DLGAP2: variants seen among roughly 807,000 people sequenced by gnomAD.
The protein encoded by DLGAP2 is disks large-associated protein 2.
A neutral mutation model predicts 100.3 loss-of-function variants in DLGAP2; 26 were observed. The observed-to-expected ratio is 0.26, with a 90% CI of 0.19 to 0.36. DLGAP2 has a LOEUF of 0.36. DLGAP2 is among the 10% of genes least tolerant of loss of function. DLGAP2 has a pLI of 1.00. For synonymous variants in DLGAP2, 886 were observed against 630.1 expected, an observed-to-expected ratio of 1.41 and a Z score of -6.08; for missense variants, 1,858 against 1,453.2, an observed-to-expected ratio of 1.28 and a Z score of -4.53.
At chr8:1,422,241 A>G (rs970678903) in intron 3 of DLGAP2, among the ~76,000 whole-genome samples, 2 of 152,170 alleles carry the variant, frequency 1.3e-5, no homozygotes, top group Non-Finnish European at 2.9e-5. Flanking sequence ...TTTAGGAGTT[A>G]TGGAATATGG....
chr8:813,773 C>G (rs1796414132), intron 1 of DLGAP2, among the ~76,000 whole-genome samples: 1 of 152,130 alleles, frequency 6.6e-6, no homozygotes, highest in Admixed American at 6.5e-5. Context: ...TTCTTTCTCC[C>G]TCCACTGACT....
intron 3 of DLGAP2, among the ~76,000 whole-genome samples, chr8:1,390,451 C>T (rs1048131602): frequency 6.6e-6 from 1 of 152,140 alleles, no homozygotes; most frequent in African/African-American, 2.4e-5. Flanking sequence ...CTCAGAACAT[C>T]AGGGTTAGTT....
At chr8:1,103,015 C>T (rs747704013) in intron 2 of DLGAP2, among the ~76,000 whole-genome samples, 1 of 150,684 alleles carries the variant, frequency 6.6e-6, no homozygotes, top group African/African-American at 2.4e-5. Context: ...CCCTATGAGT[C>T]TCTGGAGTCT....
intron 4 of DLGAP2, among the ~76,000 whole-genome samples, chr8:1,507,114 T>C (rs1799947868): frequency 6.6e-6 from 1 of 152,228 alleles, no homozygotes; most frequent in African/African-American, 2.4e-5. Context: ...ACCTAGCGGA[T>C]CCTGCGCTGG....
intron 3 of DLGAP2, among the ~76,000 whole-genome samples, chr8:1,488,959 T>C (rs1563178856): frequency 6.6e-6 from 1 of 152,162 alleles, no homozygotes; most frequent in Non-Finnish European, 1.5e-5. Flanking sequence ...TTTCAGAAAC[T>C]GATTACAGGA....
rs1482643811 is a variant in DLGAP2, at chr8:1,706,922, A to G, written c.*5516A>G. On this transcript the variant is annotated 3_prime_UTR_variant, in exon 15 of 15. Coordinates refer to ENST00000637795, the MANE Select transcript of DLGAP2 (RefSeq NM_001346810.2). The stretch of plus-strand genomic sequence containing the variant: ...AAGCTCCGGGAAACAGCCGTCTTTC[A>G]TCCTTGCCACATTGAAAAATGTCCA... The G allele has an allele frequency of 6.6e-6, 1 of 152,384 alleles. No individual in the cohort carries two copies. Among genetic ancestry groups the G allele is most frequent in the Non-Finnish European group, 1.5e-5 (1 of 68,044 alleles). 9.4% of individuals were successfully genotyped at this position (152,384 alleles called of 1,614,324 possible). A position where few individuals can be genotyped will look rare whatever the true frequency, so the allele number is the denominator to read the frequency against.
At chr8:1,613,553 AAAG>A (rs1797051643) in intron 6 of DLGAP2, among the ~76,000 whole-genome samples, 1 of 151,320 alleles carries the variant, frequency 6.6e-6, no homozygotes, top group African/African-American at 2.4e-5. Flanking sequence ...AAAAAAAAAA[AAAG>A]AAAAGAAAAG....
chr8:1,454,488 G>A (rs559212884), intron 3 of DLGAP2, among the ~76,000 whole-genome samples: 34 of 152,202 alleles, frequency 2.2e-4, no homozygotes, highest in Non-Finnish European at 3.2e-4. Flanking sequence ...GTGGTGACTC[G>A]AACCAGAAAC....
intron 2 of DLGAP2, among the ~76,000 whole-genome samples, chr8:1,236,322 C>G (rs1415484645): frequency 3.4e-5 from 2 of 59,338 alleles, no homozygotes. Context: ...GGCGCCGTGT[C>G]TGGTTCTCTC....
In DLGAP2 at chr8:1,201,363, C is replaced by T. The variant is rs140984340; in HGVS notation, c.74-57488C>T. 5.3e-5 allele frequency among the ~76,000 whole-genome samples: 8 copies of T among 152,280 alleles called. No individual in the cohort carries two copies. The East Asian group carries it at 1.4e-3, about 26-fold the overall frequency. ...CTGCTCCCGCTCAGGGGCCGTGGGG[C>T]AGGGGGCTCCCCCTTCCTCGGGAAG... On this transcript the variant is annotated intron_variant, in intron 2 of 14. Transcript: ENST00000637795.
intron 1 of DLGAP2, among the ~76,000 whole-genome samples, chr8:742,404 T>C (rs531171567): frequency 1.3e-5 from 2 of 152,266 alleles, no homozygotes; most frequent in East Asian, 1.9e-4. Context: ...AGAAGAAAAA[T>C]GGGAATGATC....
At chr8:765,297 A>T (rs1329011566) in intron 1 of DLGAP2, among the ~76,000 whole-genome samples, 1 of 152,240 alleles carries the variant, frequency 6.6e-6, no homozygotes, top group Admixed American at 6.5e-5. Context: ...TAATGTATCA[A>T]TGTTAAATAC....
chr8:1,141,858 C>G (rs952651926), intron 2 of DLGAP2, among the ~76,000 whole-genome samples: 4 of 151,998 alleles, frequency 2.6e-5, no homozygotes, highest in Non-Finnish European at 5.9e-5. Flanking sequence ...ATTTTAGATG[C>G]TTTCTTTGTT....
At chr8:1,061,046 G>T (rs897890459) in intron 2 of DLGAP2, among the ~76,000 whole-genome samples, 1 of 152,162 alleles carries the variant, frequency 6.6e-6, no homozygotes, top group Non-Finnish European at 1.5e-5. Context: ...CCCCCACGTG[G>T]GCAGAGGAAC....
intron 10 of DLGAP2, among the ~76,000 whole-genome samples, chr8:1,670,187 G>T (rs1798655642): frequency 6.6e-6 from 1 of 152,168 alleles, no homozygotes; most frequent in African/African-American, 2.4e-5. Context: ...ACCCAGCCAC[G>T]ACTGAGGCAG....
chr8:1,669,555 A>C (rs571632431), intron 9 of DLGAP2, among the ~76,000 whole-genome samples, 188 bp from the exon 10 acceptor site: 14 of 152,092 alleles, frequency 9.2e-5, no homozygotes, highest in Non-Finnish European at 1.8e-4. Context: ...CGTTCCTCGG[A>C]GCTTTAACAG....
intron 3 of DLGAP2, among the ~76,000 whole-genome samples, chr8:1,353,422 A>T (rs1339778321): frequency 6.6e-6 from 1 of 152,226 alleles, no homozygotes; most frequent in African/African-American, 2.4e-5. Context: ...TCAATGAATT[A>T]TGTAAGGTAT....
rs189936030 is a variant in DLGAP2 at position 1,283,890 on chromosome 8, G to A, written c.106+25007G>A. Among the ~76,000 whole-genome samples the A allele has an allele frequency of 3.9e-5, 6 of 152,322 alleles. No individual in the cohort carries two copies. In the East Asian group the frequency reaches 9.6e-4, roughly 24 times the overall value. On this transcript the variant is annotated intron_variant, in intron 3 of 14. Transcript: ENST00000637795. ...ATACAATCACACATAGCCCTTCAAT[G>A]TGTTGTTTTATAACATTTCTGAAAA...
chr8:1,078,851 A>C (rs150689205), intron 2 of DLGAP2, among the ~76,000 whole-genome samples: 116 of 152,348 alleles, frequency 7.6e-4, no homozygotes, highest in African/African-American at 2.7e-3. Context: ...GCTAGAAATA[A>C]AGCTACTGTA....
Sources: gnomAD v4.1 joint callset for allele counts (sites outside exome capture counted in the v4.1 genomes callset) on GRCh38, gnomAD v4.1.1 for gene constraint, MANE v1.5 for transcripts, NCBI Gene and HGNC (gene_info 2026-07-23, HGNC 2026-07-21) for gene names.